DGKB: variants seen among roughly 807,000 people sequenced by gnomAD.
DGKB encodes the protein 90 kDa diacylglycerol kinase.
Under a neutral mutation model 114.3 loss-of-function variants are expected in DGKB, and 67 were observed. The ratio of observed to expected loss-of-function variants is 0.59; its 90% CI spans 0.48 to 0.72. DGKB has a LOEUF of 0.72. Among genes scored for constraint, DGKB ranks in the 30% least tolerant of loss-of-function variants. DGKB has a pLI of 0.00. For synonymous variants in DGKB, 398 were observed against 323.1 expected (o/e 1.23, Z -2.49); for missense variants, 907 against 975.2 (o/e 0.93, Z 0.93).
chr7:14,243,484 T>A (rs1379630642), intron 23 of DGKB, among the ~76,000 whole-genome samples: 1 of 152,188 alleles, frequency 6.6e-6, no homozygotes, highest in Non-Finnish European at 1.5e-5. Context: ...AATTCAAATA[T>A]CCTGATTCTT....
At chr7:14,572,060 C>A (rs1163862446) in intron 20 of DGKB, among the ~76,000 whole-genome samples, 1 of 152,128 alleles carries the variant, frequency 6.6e-6, no homozygotes, top group Non-Finnish European at 1.5e-5. Context: ...AGCAAACAAA[C>A]AAGGTCTCTG....
intron 2 of DGKB, among the ~76,000 whole-genome samples, chr7:14,808,371 T>G (rs1843007383): frequency 6.6e-6 from 1 of 152,016 alleles, no homozygotes; most frequent in South Asian, 2.1e-4. Flanking sequence ...CACATTGAGG[T>G]AGTTGTAGAA....
Position 14,211,305 on chromosome 7 carries a change from C to CGTGTTTTGTG in DGKB, c.2123-33155_2123-33154insCACAAAACAC, listed in dbSNP as rs1787768615. Among the ~76,000 whole-genome samples the CGTGTTTTGTG allele has an allele frequency of 2.7e-5, 3 of 110,858 alleles. 1 individual carries two copies. The highest frequency in any genetic ancestry group is 1.6e-4 in the African/African-American group (3 of 18,218). The allele number at this position is 110,858 out of a possible 152,430, so 72.7% of individuals were successfully genotyped here. ...GCCTCTACTATGTGATATTTACTCT[C>CGTGTTTTGTG]ATGTTTTGTGATATTTACTCTCATG... On this transcript the variant is annotated intron_variant, in intron 23 of 25. Transcript: ENST00000402815.
chr7:14,606,197 C>T (rs773241477), intron 17 of DGKB, among the ~76,000 whole-genome samples: 29 of 152,064 alleles, frequency 1.9e-4, no homozygotes, highest in Admixed American at 9.2e-4. Flanking sequence ...TTTACTTTTG[C>T]TTGGCTTTAT....
chr7:14,693,228 A>G (rs1011683146), intron 9 of DGKB, among the ~76,000 whole-genome samples: 1 of 152,138 alleles, frequency 6.6e-6, no homozygotes, highest in Non-Finnish European at 1.5e-5. Flanking sequence ...ATGTTCTTTG[A>G]AATTAAGTAG....
chr7:14,295,689 G>T (rs908026158), intron 23 of DGKB, among the ~76,000 whole-genome samples: 2 of 151,716 alleles, frequency 1.3e-5, no homozygotes, highest in Non-Finnish European at 2.9e-5. Context: ...CCATCCACCT[G>T]GTTCCAAGAC....
chr7:14,248,354 A>C (rs982149616), intron 23 of DGKB, among the ~76,000 whole-genome samples: 2 of 152,074 alleles, frequency 1.3e-5, no homozygotes, highest in Non-Finnish European at 2.9e-5. Flanking sequence ...GTTCCATATA[A>C]GTTTTAGGAT....
At chr7:14,257,639 C>T (rs776922094) in intron 23 of DGKB, among the ~76,000 whole-genome samples, 2 of 152,168 alleles carry the variant, frequency 1.3e-5, no homozygotes, top group East Asian at 1.9e-4. Flanking sequence ...CTCTTTCCTG[C>T]ACCCCTGTGA....
chr7:14,567,471 A>G (rs1797717960), intron 20 of DGKB, among the ~76,000 whole-genome samples: 1 of 75,388 alleles, frequency 1.3e-5, no homozygotes, highest in Non-Finnish European at 2.3e-5. Flanking sequence ...ATATATTTAT[A>G]TATTATATAT....
At chr7:14,858,123 A>G (rs1850447691) in intron 1 of DGKB, among the ~76,000 whole-genome samples, 1 of 152,178 alleles carries the variant, frequency 6.6e-6, no homozygotes, top group Non-Finnish European at 1.5e-5. Context: ...ATTTGATGGT[A>G]AAATTGTTTT....
At chr7:14,231,149 C>A (rs11772475) in intron 23 of DGKB, among the ~76,000 whole-genome samples, 1 of 121,214 alleles carries the variant, frequency 8.2e-6, no homozygotes, top group African/African-American at 3.1e-5. Context: ...CTTTCTTTTT[C>A]TTTCTTTCTC....
chr7:14,747,720 T>C (rs1474846159), intron 4 of DGKB, among the ~76,000 whole-genome samples: 1 of 151,376 alleles, frequency 6.6e-6, no homozygotes, highest in Non-Finnish European at 1.5e-5. Flanking sequence ...TGGGTCAGAC[T>C]TAACTGAATG....
intron 23 of DGKB, among the ~76,000 whole-genome samples, chr7:14,253,097 C>T (rs1795470837): frequency 6.6e-6 from 1 of 151,280 alleles, no homozygotes; most frequent in African/African-American, 2.4e-5. Context: ...TGCAGTGGTG[C>T]AATCTTGGCT....
At chr7:14,702,412 T>C (rs1825354564) in intron 6 of DGKB, among the ~76,000 whole-genome samples, 1 of 152,184 alleles carries the variant, frequency 6.6e-6, no homozygotes, top group Admixed American at 6.5e-5. Context: ...ATGGTTTATT[T>C]GTTTAAATCT....
At chr7:14,556,033 T>A (rs1347954072) in intron 20 of DGKB, among the ~76,000 whole-genome samples, 17 of 152,204 alleles carry the variant, frequency 1.1e-4, no homozygotes, top group Non-Finnish European at 1.5e-5. Context: ...TGTAGTGAAA[T>A]TAGTAATTTT....
chr7:14,845,144 GAAAGAAAA>G (rs1848476485), intron 1 of DGKB, among the ~76,000 whole-genome samples: 1 of 112,136 alleles, frequency 8.9e-6, no homozygotes, highest in Non-Finnish European at 2.0e-5. Flanking sequence ...AAAAAAGAAA[GAAAGAAAA>G]AAAGGAAGAA....
chr7:14,357,329 T>A (rs1366461051), intron 21 of DGKB, among the ~76,000 whole-genome samples: 1 of 152,202 alleles, frequency 6.6e-6, no homozygotes. Context: ...CTTGTTGAAT[T>A]GATCCCTTTA....
chr7:14,766,561 C>T lies in DGKB; in HGVS notation c.71-8830G>A, dbSNP rs573981627. Among the ~76,000 whole-genome samples the T allele has an allele frequency of 1.1e-4, 16 of 151,862 alleles. No individual in the cohort carries two copies. In the South Asian group the frequency reaches 3.3e-3, roughly 32 times the overall value. On this transcript the variant is annotated intron_variant, in intron 2 of 25. Transcript: ENST00000402815. Reference sequence around the variant, plus strand: ...TTTTAGTTTTAGGCATTTTATATTTCATAAATATATTAGATATCCAAGTGT... The same window carrying T: ...TTTTAGTTTTAGGCATTTTATATTTTATAAATATATTAGATATCCAAGTGT...
At chr7:14,565,149 A>G (rs1361973875) in intron 20 of DGKB, among the ~76,000 whole-genome samples, 4 of 152,148 alleles carry the variant, frequency 2.6e-5, no homozygotes, top group Non-Finnish European at 5.9e-5. Flanking sequence ...GTTTGCATCA[A>G]GAGGTTTGCA....
Sources: allele counts gnomAD v4.1 joint callset (sites outside exome capture counted in the v4.1 genomes callset), GRCh38; gene constraint gnomAD v4.1.1; transcripts MANE v1.5; gene names NCBI Gene and HGNC (gene_info 2026-07-23, HGNC 2026-07-21).